The following ADAMTS3 variants were observed in gnomAD, a reference collection of about 807,000 sequenced individuals.
The protein encoded by ADAMTS3 is ADAM metallopeptidase with thrombospondin type 1 motif 3.
In ADAMTS3, 73 loss-of-function variants were observed where a neutral mutation model predicts 129.0. The observed-to-expected ratio is 0.57, with a 90% confidence interval of 0.47 to 0.69. The LOEUF (loss-of-function observed/expected upper bound fraction) is 0.69, where lower values mean the gene tolerates loss of function less well. Ranked by LOEUF, ADAMTS3 falls within the 30% of genes least tolerant of loss-of-function variation. The pLI is 0.00. For missense variants in ADAMTS3, 1,457 were observed against 1,514.5 expected, an observed-to-expected ratio of 0.96 and a Z score of 0.63; for synonymous variants, 477 against 510.8, an observed-to-expected ratio of 0.93 and a Z score of 0.89.
At chr4:72,313,925 T>C in intron 11 of ADAMTS3, 103 bp from the exon 12 acceptor site, 6 of 1,335,814 alleles carry the variant, frequency 4.5e-6, no homozygotes, top group Non-Finnish European at 6.3e-6. Context: ...ACTGCTCTTT[T>C]TTCTTCCAGG....
At chr4:72,515,535 G>C (rs10433666) in intron 3 of ADAMTS3, among the ~76,000 whole-genome samples, 35,324 of 146,998 alleles carry the variant, frequency 0.24, 4,279 homozygotes, top group Middle Eastern at 0.33. Flanking sequence ...ATTCTAACTG[G>C]TGTGAGATGG....
intron 2 of ADAMTS3, among the ~76,000 whole-genome samples, chr4:72,552,166 C>T (rs887329296): frequency 2.0e-5 from 3 of 152,156 alleles, no homozygotes; most frequent in Non-Finnish European, 2.9e-5. Context: ...GCAGGAAAGC[C>T]TATGGTTATT....
chr4:72,411,176 C>T (rs1722175489), intron 4 of ADAMTS3, among the ~76,000 whole-genome samples: 1 of 152,072 alleles, frequency 6.6e-6, no homozygotes, highest in Admixed American at 6.6e-5. Flanking sequence ...GAAGAAGAAT[C>T]CGCTATATAT....
At chr4:72,529,432 A>G (rs1187932587) in intron 3 of ADAMTS3, among the ~76,000 whole-genome samples, 1 of 151,782 alleles carries the variant, frequency 6.6e-6, no homozygotes, top group African/African-American at 2.4e-5. Context: ...ATGCCTACTA[A>G]GATCAGTGGC....
intron 3 of ADAMTS3, among the ~76,000 whole-genome samples, chr4:72,429,045 T>A (rs1443064159): frequency 6.6e-6 from 1 of 152,084 alleles, no homozygotes; most frequent in African/African-American, 2.4e-5. Context: ...TCAAAAGGAC[T>A]GGGATGGTGA....
intron 4 of ADAMTS3, among the ~76,000 whole-genome samples, chr4:72,383,604 C>G (rs1373028788): frequency 6.6e-6 from 1 of 152,156 alleles, no homozygotes; most frequent in Non-Finnish European, 1.5e-5. Context: ...GAGGCGGACT[C>G]TAAGCAGCCC....
At chr4:72,377,608 T>G (rs999688007) in intron 4 of ADAMTS3, among the ~76,000 whole-genome samples, 1 of 152,170 alleles carries the variant, frequency 6.6e-6, no homozygotes, top group African/African-American at 2.4e-5. Context: ...GCGTAAACTT[T>G]CCTTCTGCAG....
intron 3 of ADAMTS3, among the ~76,000 whole-genome samples, chr4:72,473,450 TA>T (rs955839065): frequency 6.8e-6 from 1 of 146,974 alleles, no homozygotes; most frequent in Non-Finnish European, 1.5e-5. Flanking sequence ...AACAAAGCCC[TA>T]AAAAAAACAT....
At chr4:72,507,012 T>C (rs1323082470) in intron 3 of ADAMTS3, among the ~76,000 whole-genome samples, 1 of 152,192 alleles carries the variant, frequency 6.6e-6, no homozygotes, top group Non-Finnish European at 1.5e-5. Context: ...AAGAAGACTG[T>C]AGTGTACCAC....
intron 3 of ADAMTS3, among the ~76,000 whole-genome samples, chr4:72,514,832 CTTTT>C (rs945272702): frequency 6.6e-6 from 1 of 151,468 alleles, no homozygotes; most frequent in African/African-American, 2.4e-5. Context: ...ATCTTTTTTC[CTTTT>C]TTTTAATTAT....
intron 4 of ADAMTS3, among the ~76,000 whole-genome samples, chr4:72,408,474 TTA>T (rs758206835): frequency 6.6e-5 from 10 of 152,064 alleles, no homozygotes; most frequent in Non-Finnish European, 1.5e-4. Context: ...TAAATAAATA[TTA>T]TGTTTAAAGT....
chr4:72,444,262 G>A (rs1398173924), intron 3 of ADAMTS3, among the ~76,000 whole-genome samples: 1 of 151,652 alleles, frequency 6.6e-6, no homozygotes. Flanking sequence ...TCTAAATGGG[G>A]AGGTAAAAGA....
At position 72,298,677 on chromosome 4, in the gene ADAMTS3, G is replaced by A. The variant is rs557703428; in HGVS notation, c.2425-235C>T. Among the ~76,000 whole-genome samples, 166 of 151,964 alleles carry A rather than the reference G, an allele frequency of 1.1e-3. 1 individual carries two copies. The highest frequency in any genetic ancestry group is 3.9e-3 in the African/African-American group (161 of 41,500). ...AGTGTTAAAAAATACATACACTGAG[G>A]AGTAAGAGTTTGTATTATAAAAATA... is the stretch of plus-strand genomic sequence containing the variant. On this transcript the variant is annotated intron_variant, in intron 17 of 21. Transcript: ENST00000286657.
At chr4:72,470,755 C>T (rs1679831176) in intron 3 of ADAMTS3, among the ~76,000 whole-genome samples, 1 of 152,064 alleles carries the variant, frequency 6.6e-6, no homozygotes, top group African/African-American at 2.4e-5. Flanking sequence ...CAGTGGCACT[C>T]AACTGTACTA....
intron 3 of ADAMTS3, among the ~76,000 whole-genome samples, chr4:72,513,348 T>A (rs1227555844): frequency 1.3e-5 from 2 of 152,162 alleles, no homozygotes; most frequent in Non-Finnish European, 2.9e-5. Flanking sequence ...TTCCACTCAA[T>A]AATGTTATAC....
rs1722122555 is a variant in ADAMTS3 at position 72,409,025 on chromosome 4, C to T, written c.661+5790G>A. 2.0e-5 allele frequency among the ~76,000 whole-genome samples: 3 copies of T among 151,858 alleles called. No homozygotes were observed. In the South Asian group the frequency reaches 6.2e-4, roughly 31 times the overall value. On this transcript the variant is annotated intron_variant, in intron 4 of 21. Coordinates refer to ENST00000286657, the MANE Select transcript of ADAMTS3 (RefSeq NM_014243.3). ...TCACGTGTATACCTATGTAACAAAACTGCAGGTTCTGCACATGTAACCCAG... is the reference window on the plus strand; with the variant it reads ...TCACGTGTATACCTATGTAACAAAATTGCAGGTTCTGCACATGTAACCCAG...
At chr4:72,567,633 T>C (rs927647884) in intron 1 of ADAMTS3, among the ~76,000 whole-genome samples, 2 of 152,186 alleles carry the variant, frequency 1.3e-5, no homozygotes, top group Non-Finnish European at 2.9e-5. Flanking sequence ...ATTTAACACT[T>C]ATGAAGCCAG....
At chr4:72,330,643 T>G (rs1277102929) in intron 5 of ADAMTS3, 1 of 152,140 alleles carries the variant, frequency 6.6e-6, no homozygotes, top group Non-Finnish European at 1.5e-5. Flanking sequence ...TTGTGAAAAC[T>G]TTTGCAAATA....
chr4:72,298,555 G>A (rs1718868194), intron 17 of ADAMTS3, 113 bp from the exon 18 acceptor site: 2 of 773,826 alleles, frequency 2.6e-6, no homozygotes, highest in Admixed American at 5.8e-5. Flanking sequence ...CTTTCAAATA[G>A]TTTCAAAAAT....
Sources: gnomAD v4.1 joint callset for allele counts (sites outside exome capture counted in the v4.1 genomes callset) on GRCh38, gnomAD v4.1.1 for gene constraint, MANE v1.5 for transcripts, NCBI Gene and HGNC (gene_info 2026-07-23, HGNC 2026-07-21) for gene names.